FER1L6: variants seen among roughly 807,000 people sequenced by gnomAD.
FER1L6 encodes fer-1 like family member 6.
In FER1L6, 177 loss-of-function variants were observed where a neutral mutation model predicts 219.2. The observed-to-expected ratio is 0.81, with a 90% CI of 0.71 to 0.91. The LOEUF (loss-of-function observed/expected upper bound fraction) is 0.91, where lower values mean the gene tolerates loss of function less well. FER1L6 is among the 40% of genes least tolerant of loss of function. The pLI, the probability that FER1L6 is intolerant of heterozygous loss-of-function variation, is 0.00. For missense variants in FER1L6, 2,153 were observed against 2,259.9 expected (o/e 0.95, Z 0.96); for synonymous variants, 768 against 824.3 (o/e 0.93, Z 1.17).
In FER1L6 at chr8:124,097,815, T is replaced by C; in HGVS notation, c.4815T>C (p.Thr1605=). 1.2e-6 allele frequency: 2 copies of C among 1,605,850 alleles called. No individual in the cohort carries two copies. Among genetic ancestry groups the C allele is most frequent in the Non-Finnish European group, 8.5e-7 (1 of 1,172,384 alleles). Residue 1605 remains threonine, a synonymous_variant, in exon 37 of 41, where the codon ACT becomes ACC. Transcript: ENST00000522917. ...AATTGAGAGTGACCATCTGGAACAC[T>C]GAAGATGTCATTTTAGAGGATGAGA... is the stretch of plus-strand genomic sequence containing the variant. ...GYELRVTIWN[T]EDVILEDENI...
intron 12 of FER1L6, among the ~76,000 whole-genome samples, chr8:123,990,359 C>T (rs914669200): frequency 1.3e-5 from 2 of 152,104 alleles, no homozygotes; most frequent in Admixed American, 1.3e-4. Context: ...GTAAGCATTC[C>T]CTTTTCACCA....
chr8:123,955,786 C>T (rs577858156), intron 1 of FER1L6, among the ~76,000 whole-genome samples: 41 of 152,082 alleles, frequency 2.7e-4, no homozygotes, highest in Non-Finnish European at 4.9e-4. Flanking sequence ...GATTCCAATT[C>T]GGGTGGGATT....
In FER1L6 at chr8:124,064,520, G is replaced by A; in HGVS notation, c.3502G>A (p.Glu1168Lys). 6.8e-6 allele frequency: 11 copies of A among 1,613,666 alleles called. No individual in the cohort carries two copies. Among genetic ancestry groups the A allele is most frequent in the African/African-American group, 1.3e-5 (1 of 75,010 alleles). The change falls in exon 26 of 41, where the codon GAG becomes AAG. Residue 1168 changes from glutamate to lysine, a missense_variant. Glu to Lys is a moderately conservative substitution (Grantham distance 56). Transcript: ENST00000522917. ...VDVPDSSPML[E>K]PEHTPVAQEP... ...CGTCCCTGACTCATCCCCGATGCTG[G>A]AGCCTGAACACACACCTGTAGCCCA...
intron 21 of FER1L6, among the ~76,000 whole-genome samples, chr8:124,048,797 G>C (rs750924302): frequency 1.3e-5 from 2 of 152,234 alleles, no homozygotes; most frequent in African/African-American, 4.8e-5. Context: ...CATAGAACTA[G>C]ACAGTGACAG....
At chr8:123,879,612 A>T (rs950742208) in intron 1 of FER1L6, among the ~76,000 whole-genome samples, 1 of 152,104 alleles carries the variant, frequency 6.6e-6, no homozygotes, top group Non-Finnish European at 1.5e-5. Context: ...GGCATGAACC[A>T]CCGTGCCTGG....
At chr8:124,042,776 G>A (rs1248127393) in intron 20 of FER1L6, among the ~76,000 whole-genome samples, 1 of 152,166 alleles carries the variant, frequency 6.6e-6, no homozygotes, top group African/African-American at 2.4e-5. Context: ...AAAAGCCTCC[G>A]AAGGCTGTTC....
chr8:124,080,625 T>C (rs1821505052), intron 32 of FER1L6, among the ~76,000 whole-genome samples: 1 of 152,158 alleles, frequency 6.6e-6, no homozygotes. Flanking sequence ...GCCCTGTTTT[T>C]GGTAACTTTT....
At chr8:123,884,234 A>C (rs76752293) in intron 1 of FER1L6, among the ~76,000 whole-genome samples, 2,242 of 152,328 alleles carry the variant, frequency 0.015, 45 homozygotes, top group African/African-American at 0.047. Flanking sequence ...TGGGTGTATC[A>C]GGGAAGGTGG....
intron 1 of FER1L6, among the ~76,000 whole-genome samples, chr8:123,913,806 A>G (rs539911044): frequency 3.3e-5 from 5 of 152,226 alleles, no homozygotes; most frequent in African/African-American, 1.2e-4. Context: ...GTGTTATGAA[A>G]TTATTCCTAA....
intron 1 of FER1L6, among the ~76,000 whole-genome samples, chr8:123,937,064 C>T (rs1455897459): frequency 6.6e-6 from 1 of 152,170 alleles, no homozygotes; most frequent in African/African-American, 2.4e-5. Context: ...CACCACCATG[C>T]CCGGCTAATT....
At chr8:123,923,293 C>T (rs368040493) in intron 1 of FER1L6, among the ~76,000 whole-genome samples, 1 of 152,112 alleles carries the variant, frequency 6.6e-6, no homozygotes, top group Non-Finnish European at 1.5e-5. Context: ...CACAGAGAGG[C>T]GAATGAAGCA....
intron 1 of FER1L6, among the ~76,000 whole-genome samples, chr8:123,913,339 CACACAT>C: frequency 6.6e-6 from 1 of 152,246 alleles, no homozygotes; most frequent in East Asian, 1.9e-4. Context: ...TATTCACACA[CACACAT>C]ATATATTTGA....
intron 30 of FER1L6, 87 bp from the exon 31 acceptor site, chr8:124,071,419 G>A (rs1016917799): frequency 1.3e-6 from 2 of 1,544,512 alleles, no homozygotes; most frequent in Non-Finnish European, 1.8e-6. Flanking sequence ...CCCAAGCTGT[G>A]CCCATTTTCC....
At chr8:123,931,204 C>T (rs1813749269) in intron 1 of FER1L6, among the ~76,000 whole-genome samples, 1 of 152,132 alleles carries the variant, frequency 6.6e-6, no homozygotes, top group African/African-American at 2.4e-5. Flanking sequence ...TGTAAATCTG[C>T]CCAATAACCA....
At position 124,081,605 on chromosome 8, in the gene FER1L6, C is replaced by CAAAAAAAAAAAAAAA. The variant is rs1243602409; in HGVS notation, c.4221-677_4221-663dup. 1.1e-4 allele frequency among the ~76,000 whole-genome samples: 6 copies of CAAAAAAAAAAAAAAA among 53,002 alleles called. 3 individuals carry two copies. The highest frequency in any genetic ancestry group is 2.5e-4 in the Non-Finnish European group (6 of 24,202). The allele number at this position is 53,002 out of a possible 152,430, so 34.8% of individuals were successfully genotyped here. ...GTGCAGGCTCCAGCAATGCAGAGAC[C>CAAAAAAAAAAAAAAA]AAAAAAAAAAAAAAAAAAAAGGGCA... On this transcript the variant is annotated intron_variant, in intron 32 of 40. Transcript: ENST00000522917.
intron 21 of FER1L6, among the ~76,000 whole-genome samples, chr8:124,048,128 T>G (rs942563278): frequency 6.6e-6 from 1 of 152,170 alleles, no homozygotes; most frequent in African/African-American, 2.4e-5. Flanking sequence ...GCAGGCAGCT[T>G]TGTTTTCAAG....
intron 27 of FER1L6, among the ~76,000 whole-genome samples, chr8:124,067,552 G>C (rs1370712234): frequency 1.3e-5 from 2 of 152,190 alleles, no homozygotes; most frequent in African/African-American, 4.8e-5. Context: ...ACTTTTCTTG[G>C]AAGTGCGGAT....
intron 1 of FER1L6, among the ~76,000 whole-genome samples, chr8:123,920,780 C>T (rs4870877): frequency 0.43 from 65,233 of 151,974 alleles, 14,215 homozygotes; most frequent in South Asian, 0.54. Flanking sequence ...TACAATAGAC[C>T]TCTGAAACTT....
intron 37 of FER1L6, among the ~76,000 whole-genome samples, chr8:124,100,826 A>G (rs4504617): frequency 8.1e-6 from 1 of 123,326 alleles, no homozygotes; most frequent in Non-Finnish European, 1.8e-5. Context: ...TGAATTTTCT[A>G]TCTTGATTGC....
Sources: allele counts gnomAD v4.1 joint callset (sites outside exome capture counted in the v4.1 genomes callset), GRCh38; gene constraint gnomAD v4.1.1; transcripts MANE v1.5; gene names NCBI Gene and HGNC (gene_info 2026-07-23, HGNC 2026-07-21).